CSMD3: variants seen among roughly 807,000 people sequenced by gnomAD.
CSMD3 encodes CUB and Sushi multiple domains 3, also known as CUB and sushi domain-containing protein 3.
A neutral mutation model predicts 435.2 loss-of-function variants in CSMD3; 177 were observed. The observed-to-expected ratio is 0.41, with a 90% CI of 0.36 to 0.46. The LOEUF is 0.46. Among genes scored for constraint, CSMD3 ranks in the 20% least tolerant of loss-of-function variants. The pLI is 0.34. For synonymous variants in CSMD3, 1,656 were observed against 1,520.5 expected (o/e 1.09, Z -2.07); for missense variants, 4,265 against 4,504.6 (o/e 0.95, Z 1.52).
intron 3 of CSMD3, among the ~76,000 whole-genome samples, chr8:113,191,632 T>C (rs2092586831): frequency 6.6e-6 from 1 of 151,862 alleles, no homozygotes; most frequent in Non-Finnish European, 1.5e-5. Context: ...GGTGTCTATG[T>C]ATCACATTTT....
chr8:112,788,661 C>T (rs1398944686), intron 13 of CSMD3, among the ~76,000 whole-genome samples: 1 of 152,044 alleles, frequency 6.6e-6, no homozygotes, highest in Non-Finnish European at 1.5e-5. Context: ...TACCCTATCC[C>T]CTTCACAATG....
chr8:112,396,403 A>C (rs189182925), intron 35 of CSMD3, among the ~76,000 whole-genome samples: 1 of 152,306 alleles, frequency 6.6e-6, no homozygotes, highest in South Asian at 2.1e-4. Context: ...CTCTCTCAGA[A>C]TAAAACTCCC....
chr8:113,210,006 G>A (rs2092814287), intron 3 of CSMD3, among the ~76,000 whole-genome samples: 1 of 43,226 alleles, frequency 2.3e-5, no homozygotes, highest in Admixed American at 3.5e-4. Context: ...CCTAAAAGGT[G>A]TGTGTGTGTG....
intron 5 of CSMD3, among the ~76,000 whole-genome samples, chr8:113,080,561 G>A (rs896251494): frequency 2.6e-5 from 4 of 152,014 alleles, no homozygotes; most frequent in Admixed American, 6.6e-5. Context: ...CAATAATAGA[G>A]GTGTGTGCAA....
intron 3 of CSMD3, among the ~76,000 whole-genome samples, chr8:113,253,936 G>T (rs1387464470): frequency 6.6e-6 from 1 of 152,036 alleles, no homozygotes; most frequent in Non-Finnish European, 1.5e-5. Context: ...GTAGTTACAA[G>T]ATTTTTCTTC....
chr8:112,671,486 T>C (rs1262936858), intron 16 of CSMD3, among the ~76,000 whole-genome samples: 1 of 152,154 alleles, frequency 6.6e-6, no homozygotes, highest in Non-Finnish European at 1.5e-5. Context: ...TTCTACTAGC[T>C]CACCCCAATG....
At chr8:113,261,046 T>G (rs2093423207) in intron 3 of CSMD3, among the ~76,000 whole-genome samples, 1 of 152,182 alleles carries the variant, frequency 6.6e-6, no homozygotes, top group African/African-American at 2.4e-5. Context: ...CATGTGCATG[T>G]GTCTTTACAG....
intron 7 of CSMD3, among the ~76,000 whole-genome samples, chr8:112,971,274 AT>A (rs2130911032): frequency 6.6e-6 from 1 of 152,298 alleles, no homozygotes; most frequent in Non-Finnish European, 1.5e-5. Context: ...GCTAAAACAT[AT>A]TTTGTGAATA....
At chr8:112,399,234 A>G (rs1343856784) in intron 35 of CSMD3, among the ~76,000 whole-genome samples, 1 of 149,706 alleles carries the variant, frequency 6.7e-6, no homozygotes, top group East Asian at 2.0e-4. Context: ...GTAGGTTGAA[A>G]GTTTTTAAAA....
At chr8:113,193,405 A>G (rs2131992078) in intron 3 of CSMD3, among the ~76,000 whole-genome samples, 1 of 151,442 alleles carries the variant, frequency 6.6e-6, no homozygotes, top group African/African-American at 2.4e-5. Context: ...TCTTAATGCC[A>G]CCAATTCATT....
intron 1 of CSMD3, among the ~76,000 whole-genome samples, chr8:113,340,676 A>G (rs1253976591): frequency 6.6e-6 from 1 of 152,048 alleles, no homozygotes; most frequent in African/African-American, 2.4e-5. Flanking sequence ...GGAGTTTGAG[A>G]CCAGTCAGAG....
chr8:113,156,764 ATAAATAAATAAAT>A lies in CSMD3; in HGVS notation c.709+16945_709+16957del, dbSNP rs1170253018. On this transcript the variant is annotated intron_variant, in intron 4 of 70. Transcript: ENST00000297405. ...AATAAATAAATAAATAAATAAATAA[ATAAATAAATAAAT>A]AAAGTTAGCCAGGCCTGGTGGCACA... 5.4e-3 allele frequency among the ~76,000 whole-genome samples: 775 copies of A among 144,052 alleles called. 10 individuals carry two copies. Among genetic ancestry groups the A allele is most frequent in the African/African-American group, 0.018 (748 of 40,700 alleles). 94.5% of individuals were successfully genotyped at this position (144,052 alleles called of 152,430 possible).
intron 10 of CSMD3, among the ~76,000 whole-genome samples, chr8:112,881,513 G>A (rs2081447619): frequency 6.6e-6 from 1 of 152,000 alleles, no homozygotes; most frequent in Non-Finnish European, 1.5e-5. Context: ...ATTGTGAACA[G>A]GTTGTAGCCC....
intron 32 of CSMD3, among the ~76,000 whole-genome samples, chr8:112,466,725 T>C (rs1817991150): frequency 6.6e-6 from 1 of 152,182 alleles, no homozygotes; most frequent in African/African-American, 2.4e-5. Flanking sequence ...TATGCAGAAA[T>C]GTGAAAGATG....
At position 112,587,326 on chromosome 8, in the gene CSMD3, T is replaced by C. The variant is rs1830817331; in HGVS notation, c.3716-91A>G. The C allele has an allele frequency of 3.1e-6, 3 of 957,016 alleles. No individual in the cohort carries two copies. The East Asian group carries it at 7.3e-5, about 23-fold the overall frequency. 59.3% of individuals were successfully genotyped at this position (957,016 alleles called of 1,614,324 possible). A position where few individuals can be genotyped will look rare whatever the true frequency, so the allele number is the denominator to read the frequency against. ...ATGTATGGAAGTGTTATGCATTTTA[T>C]TTTACCTAAAGCCTAGTAGAAAAAT... On this transcript the variant is annotated intron_variant, in intron 22 of 70. Coordinates refer to ENST00000297405, the MANE Select transcript of CSMD3 (RefSeq NM_198123.2).
chr8:112,415,341 C>T (rs755374933), intron 32 of CSMD3, among the ~76,000 whole-genome samples: 10 of 152,242 alleles, frequency 6.6e-5, no homozygotes, highest in Non-Finnish European at 1.0e-4. Flanking sequence ...GCCTTGGCAG[C>T]TTTCACACGG....
intron 1 of CSMD3, among the ~76,000 whole-genome samples, chr8:113,423,580 G>A (rs2094619921): frequency 6.6e-6 from 1 of 151,886 alleles, no homozygotes; most frequent in Non-Finnish European, 1.5e-5. Flanking sequence ...TTTGTCAAGT[G>A]TAAAAAGACC....
At chr8:113,165,680 A>G (rs542067542) in intron 4 of CSMD3, among the ~76,000 whole-genome samples, 1 of 152,150 alleles carries the variant, frequency 6.6e-6, no homozygotes, top group Admixed American at 6.6e-5. Flanking sequence ...ATATAATACT[A>G]AAAAAATACA....
At chr8:113,270,285 G>GCGATCATTAAAAAGT (rs201182542) in intron 3 of CSMD3, among the ~76,000 whole-genome samples, 6 of 79,282 alleles carry the variant, frequency 7.6e-5, no homozygotes, top group Non-Finnish European at 1.5e-4. Context: ...AGTTAGAATG[G>GCGATCATTAAAAAGT]CGATCATTAA....
Sources: allele counts gnomAD v4.1 joint callset (sites outside exome capture counted in the v4.1 genomes callset), GRCh38; gene constraint gnomAD v4.1.1; transcripts MANE v1.5; gene names NCBI Gene and HGNC (gene_info 2026-07-23, HGNC 2026-07-21).